HS3ST3A1: variants seen among roughly 807,000 people sequenced by gnomAD.
HS3ST3A1 encodes heparan sulfate-glucosamine 3-sulfotransferase 3A1, also known as heparan sulfate glucosamine 3-O-sulfotransferase 3A1.
Under a neutral mutation model 25.7 loss-of-function variants are expected in HS3ST3A1, and 19 were observed. The ratio of observed to expected loss-of-function variants is 0.74; its 90% CI spans 0.52 to 1.08. HS3ST3A1 has a LOEUF of 1.08. HS3ST3A1 is among the 50% of genes least tolerant of loss of function. The pLI is 0.00. For missense variants in HS3ST3A1, 459 were observed against 594.3 expected (o/e 0.77, Z 2.37); for synonymous variants, 226 against 278.6 (o/e 0.81, Z 1.88).
At chr17:13,553,958 C>T (rs142969277) in intron 1 of HS3ST3A1, among the ~76,000 whole-genome samples, 1,698 of 152,088 alleles carry the variant, frequency 0.011, 7 homozygotes, top group Non-Finnish European at 0.016. Context: ...GAGCAATAGA[C>T]GATCTAATAA....
At chr17:13,528,426 A>AATAGTG (rs1906505439) in intron 1 of HS3ST3A1, among the ~76,000 whole-genome samples, 1 of 152,216 alleles carries the variant, frequency 6.6e-6, no homozygotes. Context: ...TGGATTGCTC[A>AATAGTG]GAGCAGAGCT....
intron 1 of HS3ST3A1, among the ~76,000 whole-genome samples, chr17:13,503,103 A>T (rs2142295711): frequency 7.1e-6 from 1 of 141,478 alleles, no homozygotes; most frequent in Admixed American, 7.4e-5. Flanking sequence ...TGAACCTGGG[A>T]GGTAGAGGTT....
chr17:13,588,612 G>C (rs1198857700), intron 1 of HS3ST3A1, among the ~76,000 whole-genome samples: 1 of 151,900 alleles, frequency 6.6e-6, no homozygotes, highest in Non-Finnish European at 1.5e-5. Flanking sequence ...ACAGAACCAA[G>C]TTTGTCAAGA....
rs184457054 is a variant in HS3ST3A1 at position 13,505,222 on chromosome 17, C to T, written c.600-8404G>A. On this transcript the variant is annotated intron_variant, in intron 1 of 1. Coordinates refer to ENST00000284110, the MANE Select transcript of HS3ST3A1 (RefSeq NM_006042.3). The stretch of plus-strand genomic sequence containing the variant: ...CAAAGGGGATTACAAAAATAGTATA[C>T]AGACGACGGCTCCAATGGAGCAAAT... Among the ~76,000 whole-genome samples, 921 of 152,226 alleles carry T rather than the reference C, an allele frequency of 6.1e-3. 7 individuals carry two copies. Among genetic ancestry groups the T allele is most frequent in the Non-Finnish European group, 8.3e-3 (565 of 68,024 alleles).
In HS3ST3A1 at chr17:13,522,350, T is replaced by C. The variant is rs570619464; in HGVS notation, c.600-25532A>G. 4.6e-5 allele frequency among the ~76,000 whole-genome samples: 7 copies of C among 152,332 alleles called. No homozygotes were observed. The South Asian group carries it at 1.5e-3, about 32-fold the overall frequency. On this transcript the variant is annotated intron_variant, in intron 1 of 1. Coordinates refer to ENST00000284110, the MANE Select transcript of HS3ST3A1 (RefSeq NM_006042.3). ...TCCCACTTAGAAATCTCTATTTCTC[T>C]TCAATATTGTATTGTATGCTTTTGT...
chr17:13,541,457 C>T (rs955042481), intron 1 of HS3ST3A1, among the ~76,000 whole-genome samples: 1 of 152,152 alleles, frequency 6.6e-6, no homozygotes, highest in Non-Finnish European at 1.5e-5. Context: ...CTCACTCGCT[C>T]TTGGTACACA....
chr17:13,496,225 G>A lies in HS3ST3A1; in HGVS notation c.1193C>T (p.Thr398Ile), dbSNP rs1376487694. 2 of 1,599,962 alleles carry A rather than the reference G, an allele frequency of 1.3e-6. No homozygotes were observed. The highest frequency in any genetic ancestry group is 1.3e-5 in the African/African-American group (1 of 74,232). Residue 398 changes from threonine (T) to isoleucine (I), a missense_variant, in exon 2 of 2, where the codon ACC (threonine) becomes ATC (isoleucine). This residue lies in a region of HS3ST3A1 where 46 missense variants were observed against 59.0 expected (regional missense o/e 0.78). Transcript: ENST00000284110. ...TCCATCCCAGCCAAAGTCGTGCCCG[G>A]TCATCTGGTAGAACTTGAGGTTGAA... ...RPFNLKFYQM[T>I]GHDFGWDG is the part of the protein sequence containing the mutation.
chr17:13,594,899 T>C (rs1338552689), intron 1 of HS3ST3A1, among the ~76,000 whole-genome samples: 1 of 151,934 alleles, frequency 6.6e-6, no homozygotes, highest in Non-Finnish European at 1.5e-5. Flanking sequence ...TCTATCATGA[T>C]GAGGTTTTTC....
chr17:13,531,498 G>A (rs1468928294), intron 1 of HS3ST3A1, among the ~76,000 whole-genome samples: 3 of 152,102 alleles, frequency 2.0e-5, no homozygotes, highest in Non-Finnish European at 4.4e-5. Flanking sequence ...CTCCTTGAAT[G>A]TTATAAACTT....
intron 1 of HS3ST3A1, among the ~76,000 whole-genome samples, chr17:13,549,337 G>T (rs902640733): frequency 1.3e-5 from 2 of 152,162 alleles, no homozygotes; most frequent in Non-Finnish European, 2.9e-5. Flanking sequence ...CCATCTTTAA[G>T]AACTGTAACA....
At chr17:13,523,915 AT>A (rs1340833314) in intron 1 of HS3ST3A1, among the ~76,000 whole-genome samples, 1 of 151,896 alleles carries the variant, frequency 6.6e-6, no homozygotes, top group Non-Finnish European at 1.5e-5. Flanking sequence ...TTATTTACCC[AT>A]TTTCATTCTT....
chr17:13,549,756 C>A (rs772550628), intron 1 of HS3ST3A1, among the ~76,000 whole-genome samples: 1 of 152,174 alleles, frequency 6.6e-6, no homozygotes, highest in Non-Finnish European at 1.5e-5. Flanking sequence ...TCTTCAGCCA[C>A]GTGCTTTGTT....
intron 1 of HS3ST3A1, among the ~76,000 whole-genome samples, chr17:13,560,663 A>G (rs1907519327): frequency 6.6e-6 from 1 of 152,224 alleles, no homozygotes; most frequent in African/African-American, 2.4e-5. Context: ...ATATAGCTCC[A>G]TTACTAAAAA....
chr17:13,578,788 G>T (rs1011121139), intron 1 of HS3ST3A1, among the ~76,000 whole-genome samples: 17 of 152,158 alleles, frequency 1.1e-4, no homozygotes, highest in African/African-American at 4.1e-4. Flanking sequence ...TGAGTAAGAG[G>T]AATTACAGAG....
In HS3ST3A1 at chr17:13,600,819, G is replaced by A; in HGVS notation, c.311C>T (p.Pro104Leu). 2 of 1,413,106 alleles carry A rather than the reference G, an allele frequency of 1.4e-6. No individual in the cohort carries two copies. Among genetic ancestry groups the A allele is most frequent in the South Asian group, 1.6e-5 (1 of 64,186 alleles). 87.5% of individuals were successfully genotyped at this position (1,413,106 alleles called of 1,614,324 possible). A position where few individuals can be genotyped will look rare whatever the true frequency, so the allele number is the denominator to read the frequency against. The change falls in exon 1 of 2, where the codon CCC (proline) becomes CTC (leucine). Residue 104 changes from proline (P) to leucine (L), a missense_variant. Transcript: ENST00000284110. ...PQWRRRRPPAPRDDGEEAAWE... is the reference protein window; with the variant it reads ...PQWRRRRPPALRDDGEEAAWE... ...GGCCGCCTCCTCGCCGTCGTCGCGG[G>A]GCGCGGGCGGCCGGCGCCTCCGCCA...
intron 1 of HS3ST3A1, among the ~76,000 whole-genome samples, chr17:13,534,758 G>T (rs6502276): frequency 0.35 from 53,735 of 151,460 alleles, 9,894 homozygotes; most frequent in African/African-American, 0.44. Context: ...GGGTGCAGTG[G>T]CTCACACCTG....
chr17:13,501,478 T>TCAC (rs1402141608), intron 1 of HS3ST3A1, among the ~76,000 whole-genome samples: 2 of 48,232 alleles, frequency 4.1e-5, no homozygotes, highest in African/African-American at 3.3e-4. Flanking sequence ...TAATTAAACA[T>TCAC]TACAAGGTAC....
At chr17:13,573,632 C>T (rs890499363) in intron 1 of HS3ST3A1, among the ~76,000 whole-genome samples, 4 of 152,208 alleles carry the variant, frequency 2.6e-5, no homozygotes, top group Admixed American at 1.3e-4. Context: ...GTTCCCACCT[C>T]CAGAACCCTC....
intron 1 of HS3ST3A1, among the ~76,000 whole-genome samples, chr17:13,531,771 C>T (rs1302925507): frequency 6.6e-6 from 1 of 152,154 alleles, no homozygotes; most frequent in Admixed American, 6.5e-5. Context: ...GCGAATCAGT[C>T]TGAACAGCTT....
Sources: gnomAD v4.1 joint callset for allele counts (sites outside exome capture counted in the v4.1 genomes callset) on GRCh38, gnomAD v4.1.1 for gene constraint, gnomAD v4.1.1 regional missense constraint, MANE v1.5 for transcripts, NCBI Gene and HGNC (gene_info 2026-07-23, HGNC 2026-07-21) for gene names.